Variants in HYDIN observed in about 807,000 individuals in gnomAD.
The protein encoded by HYDIN is HYDIN axonemal central pair apparatus protein.
Under a neutral mutation model 403.9 loss-of-function variants are expected in HYDIN, and 132 were observed. The ratio of observed to expected loss-of-function variants is 0.33; its 90% confidence interval spans 0.28 to 0.38. The LOEUF is 0.38. Among genes scored for constraint, HYDIN ranks in the 10% least tolerant of loss-of-function variants. The pLI, the probability that HYDIN is intolerant of heterozygous loss-of-function variation, is 1.00. For missense variants in HYDIN, 2,827 were observed against 5,009.5 expected (o/e 0.56, Z 13.15); for synonymous variants, 1,202 against 1,891.7 (o/e 0.64, Z 9.46).
At chr16:70,853,900 T>C (rs994983448) in intron 73 of HYDIN, among the ~76,000 whole-genome samples, 11 of 147,842 alleles carry the variant, frequency 7.4e-5, no homozygotes, top group Non-Finnish European at 1.5e-4. Context: ...TTCTTTTTTT[T>C]TTTTTTTTTG....
chr16:71,216,159 T>C (rs970146430), intron 1 of HYDIN, among the ~76,000 whole-genome samples: 1 of 152,232 alleles, frequency 6.6e-6, no homozygotes, highest in Non-Finnish European at 1.5e-5. Context: ...TACAGAGATA[T>C]GAGTAAGACT....
chr16:71,169,390 C>T (rs189278708), intron 5 of HYDIN, among the ~76,000 whole-genome samples: 1 of 151,946 alleles, frequency 6.6e-6, no homozygotes, highest in Non-Finnish European at 1.5e-5. Flanking sequence ...CTGAGATTGC[C>T]CCACAGCACT....
At chr16:70,836,215 C>A (rs1408184958) in intron 77 of HYDIN, among the ~76,000 whole-genome samples, 2 of 152,178 alleles carry the variant, frequency 1.3e-5, no homozygotes, top group Non-Finnish European at 2.9e-5. Flanking sequence ...AATTGGGGAA[C>A]AACCTAAGGC....
At chr16:70,976,993 A>T (rs900377347) in intron 30 of HYDIN, among the ~76,000 whole-genome samples, 1 of 151,946 alleles carries the variant, frequency 6.6e-6, no homozygotes, top group African/African-American at 2.4e-5. Context: ...AGCAAAGCCA[A>T]CTCTGTGCTT....
intron 1 of HYDIN, among the ~76,000 whole-genome samples, chr16:71,197,455 A>C (rs974770727): frequency 1.3e-5 from 2 of 152,200 alleles, no homozygotes; most frequent in Non-Finnish European, 2.9e-5. Context: ...GCATTGTTAC[A>C]GTTTGATTGA....
intron 3 of HYDIN, among the ~76,000 whole-genome samples, chr16:71,184,596 A>C (rs1038930288): frequency 6.6e-6 from 1 of 152,150 alleles, no homozygotes; most frequent in South Asian, 2.1e-4. Flanking sequence ...AATTACTCCT[A>C]ACCTGTGTAA....
chr16:71,102,919 G>A (rs986939835), intron 10 of HYDIN, among the ~76,000 whole-genome samples: 1 of 150,332 alleles, frequency 6.7e-6, no homozygotes. Context: ...AAATTGTACA[G>A]TATCTTTACA....
At chr16:70,880,387 G>GCTGGGAGCTGGCTGAATCA (rs2143682833) in intron 60 of HYDIN, among the ~76,000 whole-genome samples, 1 of 146,086 alleles carries the variant, frequency 6.8e-6, no homozygotes, top group East Asian at 2.0e-4. Flanking sequence ...GTGGAGCTGA[G>GCTGGGAGCTGGCTGAATCA]CTGGGAGCTG....
At chr16:71,129,861 T>A (rs2084634185) in intron 8 of HYDIN, 38 bp from the exon 9 acceptor site, 3 of 1,569,622 alleles carry the variant, frequency 1.9e-6, no homozygotes, top group Non-Finnish European at 2.6e-6. Context: ...ATGTGGGTAC[T>A]CCCATGAAGA....
chr16:71,030,350 C>T (rs1416990298), intron 19 of HYDIN, among the ~76,000 whole-genome samples: 2 of 151,836 alleles, frequency 1.3e-5, no homozygotes, highest in Non-Finnish European at 2.9e-5. Flanking sequence ...AACCACTGCT[C>T]CCAGCCCAAA....
chr16:71,158,223 G>T (rs1215046766), intron 6 of HYDIN, among the ~76,000 whole-genome samples: 1 of 152,174 alleles, frequency 6.6e-6, no homozygotes, highest in Non-Finnish European at 1.5e-5. Flanking sequence ...CTTACTGGGG[G>T]AGTTTGGGTA....
chr16:71,146,156 G>A (rs1200268133), intron 7 of HYDIN, among the ~76,000 whole-genome samples: 1 of 152,074 alleles, frequency 6.6e-6, no homozygotes, highest in Non-Finnish European at 1.5e-5. Context: ...TAAAGATAAT[G>A]TATTTACTAT....
At chr16:71,175,508 AC>A in intron 5 of HYDIN, 98 bp downstream of exon 5, 1 of 1,191,054 alleles carries the variant, frequency 8.4e-7, no homozygotes, top group Non-Finnish European at 1.2e-6. Context: ...CACCACCACC[AC>A]CACCACCACC....
At chr16:71,156,623 C>A (rs1191153894) in intron 6 of HYDIN, among the ~76,000 whole-genome samples, 4 of 152,032 alleles carry the variant, frequency 2.6e-5, no homozygotes, top group Admixed American at 2.6e-4. Context: ...AGTTTTTGTT[C>A]CATCAATTAT....
rs1324166143 is a variant in HYDIN at position 70,834,074 on chromosome 16, G to T, written c.13492C>A (p.Pro4498Thr). The change falls in exon 79 of 86, where the codon CCT (proline) becomes ACT (threonine). Residue 4498 changes from proline (P) to threonine (T), a missense_variant. Coordinates refer to ENST00000393567, the MANE Select transcript of HYDIN (RefSeq NM_001270974.2). The stretch of plus-strand genomic sequence containing the variant: ...ATGAACACTTCCTCAGAGAAGGGAG[G>T]GACACGCTTCTTCGGGGCAAAGATG... ...EVIFAPKKRVPPFSEEVFMEC... is the reference protein window; with the variant it reads ...EVIFAPKKRVTPFSEEVFMEC... The T allele has an allele frequency of 6.3e-7, 1 of 1,598,324 alleles. No individual in the cohort carries two copies.
chr16:71,139,850 T>C (rs1297429297), intron 7 of HYDIN, among the ~76,000 whole-genome samples: 1 of 151,466 alleles, frequency 6.6e-6, no homozygotes, highest in Admixed American at 6.6e-5. Context: ...TGGCTAAGAA[T>C]TTTGTTTGGA....
intron 1 of HYDIN, among the ~76,000 whole-genome samples, chr16:71,220,057 T>C (rs1222541590): frequency 6.6e-6 from 1 of 152,168 alleles, no homozygotes; most frequent in Non-Finnish European, 1.5e-5. Flanking sequence ...AATCTGATGA[T>C]GGCTATGAAC....
chr16:71,209,209 C>A (rs1474982594), intron 1 of HYDIN, among the ~76,000 whole-genome samples: 2 of 149,894 alleles, frequency 1.3e-5, no homozygotes, highest in Non-Finnish European at 3.0e-5. Context: ...ATCTAGTAGG[C>A]TTTATCCCCA....
intron 64 of HYDIN, 137 bp from the exon 65 acceptor site, chr16:70,872,316 T>C: frequency 1.8e-6 from 1 of 544,650 alleles, no homozygotes; most frequent in Non-Finnish European, 3.2e-6. Flanking sequence ...CTAGAATCTC[T>C]GAGTAACAAG....
Sources: allele counts gnomAD v4.1 joint callset (sites outside exome capture counted in the v4.1 genomes callset), GRCh38; gene constraint gnomAD v4.1.1; transcripts MANE v1.5; gene names NCBI Gene and HGNC (gene_info 2026-07-23, HGNC 2026-07-21).